ASAP3: variants seen among roughly 807,000 people sequenced by gnomAD.
ASAP3 encodes the protein ArfGAP with SH3 domain, ankyrin repeat and PH domain 3.
In ASAP3, 85 loss-of-function variants were observed where a neutral mutation model predicts 118.2. The observed-to-expected ratio is 0.72, with a 90% confidence interval of 0.60 to 0.86. The LOEUF (loss-of-function observed/expected upper bound fraction) is 0.86. ASAP3 is among the 40% of genes least tolerant of loss of function. ASAP3 has a pLI of 0.00. For synonymous variants in ASAP3, 432 were observed against 477.4 expected (o/e 0.90, Z 1.24); for missense variants, 1,026 against 1,175.0 (o/e 0.87, Z 1.85).
Position 23,440,725 on chromosome 1 carries a change from C to T in ASAP3, c.944+377G>A, listed in dbSNP as rs1454821293. On this transcript the variant is annotated intron_variant, in intron 10 of 24. Transcript: ENST00000336689. ...CAAAAAAATTAGCCGAGTGTGGTGG[C>T]GAGTGCCTGTAGTCCCAGCTACTCG... 3.3e-5 allele frequency among the ~76,000 whole-genome samples: 5 copies of T among 150,792 alleles called. No homozygotes were observed. In the East Asian group the frequency reaches 5.9e-4, roughly 18 times the overall value.
At chr1:23,440,714 G>A (rs1335912107) in intron 10 of ASAP3, among the ~76,000 whole-genome samples, 4 of 151,024 alleles carry the variant, frequency 2.6e-5, no homozygotes, top group Non-Finnish European at 4.4e-5. Context: ...AAAATTAGCC[G>A]AGTGTGGTGG....
At position 23,438,469 on chromosome 1, in the gene ASAP3, T is replaced by TA. The variant is rs1295879975; in HGVS notation, c.1102+277_1102+278insT. 3.2e-4 allele frequency among the ~76,000 whole-genome samples: 49 copies of TA among 152,232 alleles called. No individual in the cohort carries two copies. The highest frequency in any genetic ancestry group is 1.2e-3 in the African/African-American group (48 of 41,532). ...GTATTTGGGAAAAAAAGGTAAAATT[T>TA]TAAAAAAAGAAATAATTTCAAAACC... On this transcript the variant is annotated intron_variant, in intron 12 of 24. Transcript: ENST00000336689. The surrounding 1 kb of genome is among the most constrained non-coding windows in gnomAD (Gnocchi z 4.9).
intron 6 of ASAP3, 30 bp downstream of exon 6, chr1:23,442,471 C>T (rs367926462): frequency 6.8e-6 from 11 of 1,606,268 alleles, no homozygotes; most frequent in Admixed American, 6.7e-5. Flanking sequence ...CATCCCACGC[C>T]CCCCCTCCCT....
At chr1:23,432,005 T>TTTA in intron 22 of ASAP3, 87 bp from the exon 23 acceptor site, 1 of 689,108 alleles carries the variant, frequency 1.5e-6, no homozygotes, top group Non-Finnish European at 2.0e-6. Context: ...GCCTCTAGGA[T>TTTA]TTTTTTTTTT....
At chr1:23,433,339 T>A (rs1353805530) in intron 21 of ASAP3, 67 bp from the exon 22 acceptor site, 1 of 1,611,052 alleles carries the variant, frequency 6.2e-7, no homozygotes, top group African/African-American at 1.3e-5. Flanking sequence ...TCCCCCCGCC[T>A]CACCGCCCCC....
intron 19 of ASAP3, 138 bp from the exon 20 acceptor site, chr1:23,433,831 A>C (rs1640535740): frequency 9.4e-7 from 1 of 1,065,548 alleles, no homozygotes. Flanking sequence ...GACCATAGGC[A>C]AGTTATATAA....
chr1:23,450,591 A>G (rs534962312), intron 5 of ASAP3, among the ~76,000 whole-genome samples: 1 of 151,422 alleles, frequency 6.6e-6, no homozygotes, highest in Admixed American at 6.6e-5. Flanking sequence ...GAAAACTGCA[A>G]TGTTACCCAG....
At chr1:23,468,471 A>C (rs1036645463) in intron 1 of ASAP3, among the ~76,000 whole-genome samples, 13 of 152,188 alleles carry the variant, frequency 8.5e-5, no homozygotes, top group Non-Finnish European at 1.6e-4. Flanking sequence ...CCAACGCTAA[A>C]AAGGAGTTTT....
At chr1:23,449,428 A>C (rs1303482680) in intron 5 of ASAP3, among the ~76,000 whole-genome samples, 2 of 152,200 alleles carry the variant, frequency 1.3e-5, no homozygotes, top group Non-Finnish European at 2.9e-5. Flanking sequence ...GTGGAGAGGT[A>C]ATCCTCCTCC....
chr1:23,436,781 C>G lies in ASAP3; in HGVS notation c.1477-127G>C. The G allele has an allele frequency of 6.5e-7, 1 of 1,535,552 alleles. No homozygotes were observed. Among genetic ancestry groups the G allele is most frequent in the African/African-American group, 1.4e-5 (1 of 73,522 alleles). Reference sequence around the variant, plus strand: ...CTCCCGGTTCAGGCCCCGCCCCTGACCACCCGCTACCTGGCTTGTCCCAGC... The same window carrying G: ...CTCCCGGTTCAGGCCCCGCCCCTGAGCACCCGCTACCTGGCTTGTCCCAGC... On this transcript the variant is annotated intron_variant, in intron 15 of 24. Transcript: ENST00000336689. The surrounding 1 kb of genome is among the most constrained non-coding windows in gnomAD (Gnocchi z 4.2).
At chr1:23,435,289 A>C (rs953946132) in intron 17 of ASAP3, among the ~76,000 whole-genome samples, 1 of 152,200 alleles carries the variant, frequency 6.6e-6, no homozygotes, top group Admixed American at 6.5e-5. Context: ...TTGGCCTCCC[A>C]AAGTGTTGGG....
chr1:23,431,057 G>C lies in ASAP3; in HGVS notation c.2615C>G (p.Pro872Arg). Residue 872 changes from proline to arginine, a missense_variant, in exon 24 of 25, where the codon CCT (proline) becomes CGT (arginine). Pro to Arg is a moderately radical substitution (Grantham distance 103). Transcript: ENST00000336689. ...TACCGGCACGTTCCTTCTGGGCAGA[G>C]GCTGCCTGGCTGAGGGACCATCTTC... is the stretch of plus-strand genomic sequence containing the variant. ...SPEDGPSARQ[P>R]LPRRNVPVGI... The C allele has an allele frequency of 6.3e-7, 1 of 1,589,424 alleles. No individual in the cohort carries two copies. Among genetic ancestry groups the C allele is most frequent in the Non-Finnish European group, 8.6e-7 (1 of 1,168,908 alleles).
chr1:23,452,349 C>G (rs1641243205), intron 4 of ASAP3, among the ~76,000 whole-genome samples: 1 of 152,216 alleles, frequency 6.6e-6, no homozygotes, highest in Admixed American at 6.5e-5. Context: ...CCCTGGATTC[C>G]CACATGGGCT....
At position 23,433,275 on chromosome 1, in the gene ASAP3, G is replaced by A. The variant is rs761922964; in HGVS notation, c.2128-3C>T. 1.0e-5 allele frequency: 16 copies of A among 1,605,746 alleles called. No homozygotes were observed. In the South Asian group the frequency reaches 1.5e-4, roughly 16 times the overall value. The stretch of plus-strand genomic sequence containing the variant: ...GCCGGGAGCTTCAGCAAGCAGCGCT[G>A]CCAGAGCAAAAGATTGAGGATGAGG... On this transcript the variant is annotated splice_region_variant and splice_polypyrimidine_tract_variant and intron_variant, in intron 21 of 24. Coordinates refer to ENST00000336689, the MANE Select transcript of ASAP3 (RefSeq NM_017707.4).
rs1277417230 is a variant in ASAP3, at chr1:23,436,686, A to G, written c.1477-32T>C. ...TCGTAGGAAAATAGACGTGGGGCGG[A>G]GTAAGACCGGGCGGTTAAGCCTGCA... On this transcript the variant is annotated intron_variant, in intron 15 of 24. Transcript: ENST00000336689. This position sits in a 1 kb window ranked among gnomAD's most constrained non-coding sequence, Gnocchi z 4.2. 1.2e-6 allele frequency: 2 copies of G among 1,612,794 alleles called. No homozygotes were observed. The highest frequency in any genetic ancestry group is 2.7e-5 in the African/African-American group (2 of 74,982).
At chr1:23,441,820 C>T in intron 7 of ASAP3, 90 bp from the exon 8 acceptor site, 1 of 1,353,914 alleles carries the variant, frequency 7.4e-7, no homozygotes, top group East Asian at 2.3e-5. Flanking sequence ...CCGTAAGGAT[C>T]ACAGGGCACC....
At position 23,434,534 on chromosome 1, in the gene ASAP3, C is replaced by T. The variant is rs146395542; in HGVS notation, c.1834G>A (p.Gly612Ser). 163 of 1,613,870 alleles carry T rather than the reference C, an allele frequency of 1.0e-4. No homozygotes were observed. Among genetic ancestry groups the T allele is most frequent in the Middle Eastern group, 6.6e-4 (4 of 6,084 alleles). ...LPLVDFIIQN[G>S]GHLDAKAADG... is the part of the protein sequence containing the mutation. ...ACAGACAGGCAGGGAGGCTCTCACC[C>T]GTTCTGGATGATGAAATCCACCAGA... is the stretch of plus-strand genomic sequence containing the variant. Residue 612 changes from glycine to serine, a missense_variant and splice_region_variant, in exon 18 of 25, where the codon GGT becomes AGT. Physicochemically the swap from Gly to Ser is moderately conservative, Grantham distance 56. Coordinates refer to ENST00000336689, the MANE Select transcript of ASAP3 (RefSeq NM_017707.4).
At chr1:23,478,595 C>T (rs1642207592) in intron 1 of ASAP3, among the ~76,000 whole-genome samples, 2 of 151,470 alleles carry the variant, frequency 1.3e-5, no homozygotes, top group South Asian at 4.2e-4. Flanking sequence ...CCTGTCTCTA[C>T]TAGAAATACA....
At position 23,452,702 on chromosome 1, in the gene ASAP3, G is replaced by T; in HGVS notation, c.418C>A (p.Arg140=). 1 of 1,613,562 alleles carries T rather than the reference G, an allele frequency of 6.2e-7. No homozygotes were observed. Residue 140 remains arginine, a synonymous_variant, in exon 4 of 25, where the codon CGA becomes AGA. Transcript: ENST00000336689. ...CTCCCAGCATGGAGACTCACCTGTCGACCGTCCCTCAGCTGCCCCTTCATC... is the reference window on the plus strand; with the variant it reads ...CTCCCAGCATGGAGACTCACCTGTCTACCGTCCCTCAGCTGCCCCTTCATC... The part of the protein sequence containing the change: ...SLMKGQLRDG[R]QDSKKQLEKA...
Sources: gnomAD v4.1 joint callset for allele counts (sites outside exome capture counted in the v4.1 genomes callset) on GRCh38, gnomAD v4.1.1 for gene constraint, Gnocchi (gnomAD v3.1) non-coding constraint, MANE v1.5 for transcripts, NCBI Gene and HGNC (gene_info 2026-07-23, HGNC 2026-07-21) for gene names.